The following F8 variants were observed in gnomAD, a reference collection of about 807,000 sequenced individuals.
F8 encodes the protein antihemophilic factor.
Under a neutral mutation model 140.6 loss-of-function variants are expected in F8, and 12 were observed. That is an observed-to-expected ratio of 0.09 (90% CI 0.05 to 0.14). F8 has a LOEUF of 0.14. Ranked by LOEUF, F8 falls within the 10% of genes least tolerant of loss-of-function variation. The pLI is 1.00. For missense variants in F8, 1,354 were observed against 1,720.7 expected, an observed-to-expected ratio of 0.79 and a Z score of 3.77; for synonymous variants, 585 against 614.6, an observed-to-expected ratio of 0.95 and a Z score of 0.71.
intron 4 of F8, among the ~76,000 whole-genome samples, chrX:154,990,110 G>A (rs1377130809): frequency 2.7e-5 from 3 of 111,251 alleles, no homozygotes; most frequent in Non-Finnish European, 5.7e-5. Context: ...CATATAATTG[G>A]TTCAAGCTTT....
intron 14 of F8, 67 bp downstream of exon 14, chrX:154,928,504 G>T: frequency 1.1e-6 from 1 of 933,719 alleles, no homozygotes; most frequent in Non-Finnish European, 1.5e-6. Context: ...TCTCATTGTT[G>T]GTGTCATCAT....
At chrX:154,855,680 C>T (rs143432440) in intron 25 of F8, among the ~76,000 whole-genome samples, 1 of 110,868 alleles carries the variant, frequency 9.0e-6, no homozygotes, top group Non-Finnish European at 1.9e-5. Flanking sequence ...ATTAACCCTG[C>T]ACTGCCTGAG....
intron 14 of F8, among the ~76,000 whole-genome samples, chrX:154,922,678 A>C (rs1293551881): frequency 1.6e-4 from 18 of 112,060 alleles, no homozygotes; most frequent in African/African-American, 5.5e-4. Flanking sequence ...TCAGGGACAT[A>C]ATTTTAAGTA....
intron 1 of F8, among the ~76,000 whole-genome samples, chrX:155,006,357 G>A (rs1557286078): frequency 6.3e-5 from 4 of 63,136 alleles, no homozygotes; most frequent in Non-Finnish European, 1.2e-4. Context: ...CCAGAGGAAC[G>A]CTGTGGTAAC....
chrX:155,008,958 C>G (rs935590534), intron 1 of F8, among the ~76,000 whole-genome samples: 2 of 111,747 alleles, frequency 1.8e-5, no homozygotes, highest in African/African-American at 3.3e-5. Context: ...CCCGGCAGCG[C>G]GCTTCTCCCT....
At chrX:154,905,617 T>A (rs1355178598) in intron 15 of F8, among the ~76,000 whole-genome samples, 1 of 111,525 alleles carries the variant, frequency 9.0e-6, no homozygotes, top group African/African-American at 3.3e-5. Flanking sequence ...AAATAACTTT[T>A]AGTCTACAGG....
At chrX:154,955,634 C>T (rs948015248) in intron 11 of F8, among the ~76,000 whole-genome samples, 6 of 110,342 alleles carry the variant, frequency 5.4e-5, no homozygotes, top group South Asian at 7.8e-4. Context: ...CATCACATGT[C>T]GGCAGGTTCT....
chrX:154,935,451 A>C (rs1228118194), intron 13 of F8, among the ~76,000 whole-genome samples: 2 of 111,977 alleles, frequency 1.8e-5, no homozygotes, highest in Non-Finnish European at 3.8e-5. Context: ...ATTTTCAACA[A>C]ATGGTGCCGG....
chrX:154,869,475 T>A (rs2072755479), intron 22 of F8, among the ~76,000 whole-genome samples: 1 of 111,850 alleles, frequency 8.9e-6, no homozygotes, highest in South Asian at 3.7e-4. Context: ...AAGGCAGATA[T>A]AAAGATGTTC....
At chrX:154,857,813 T>C (rs2072660812) in intron 25 of F8, among the ~76,000 whole-genome samples, 1 of 112,056 alleles carries the variant, frequency 8.9e-6, no homozygotes, top group Non-Finnish European at 1.9e-5. Flanking sequence ...CAACGAAGGG[T>C]GACCTCAGCA....
rs140824385 is a variant in F8 at position 154,877,764 on chromosome X, T to C, written c.6430-14537A>G. On this transcript the variant is annotated intron_variant, in intron 22 of 25. Transcript: ENST00000360256. Reference sequence around the variant, plus strand: ...CGAACTGTAAGATAATAAACTTGTGTTGTTTTAAGCCATATTAAGTTTGTG... The same window carrying C: ...CGAACTGTAAGATAATAAACTTGTGCTGTTTTAAGCCATATTAAGTTTGTG... Among the ~76,000 whole-genome samples the C allele has an allele frequency of 8.3e-3, 931 of 112,204 alleles. 8 individuals are homozygous for C. The highest frequency in any genetic ancestry group is 0.028 in the African/African-American group (879 of 30,853).
chrX:154,997,182 G>A, intron 2 of F8, 87 bp from the exon 3 acceptor site: 1 of 1,067,124 alleles, frequency 9.4e-7, no homozygotes, highest in Non-Finnish European at 1.3e-6. Context: ...CAAGGTCACA[G>A]TGGAGAAGCA....
At chrX:154,960,886 G>A (rs1263537636) in intron 10 of F8, among the ~76,000 whole-genome samples, 189 bp downstream of exon 10, 1 of 112,000 alleles carries the variant, frequency 8.9e-6, no homozygotes, top group Non-Finnish European at 1.9e-5. Flanking sequence ...CATGTCAGGC[G>A]ACTCTTCACG....
intron 13 of F8, among the ~76,000 whole-genome samples, chrX:154,947,052 T>A (rs1557280347): frequency 9.2e-6 from 1 of 108,296 alleles, no homozygotes; most frequent in Non-Finnish European, 1.9e-5. Flanking sequence ...GGTGAAACCC[T>A]GTCTCTACTA....
chrX:154,868,619 T>G (rs1248119135), intron 22 of F8, among the ~76,000 whole-genome samples: 2 of 111,890 alleles, frequency 1.8e-5, no homozygotes, highest in African/African-American at 3.2e-5. Flanking sequence ...ACATTGACAC[T>G]ATGAAGAAAC....
Position 154,972,197 on chromosome X carries a change from C to G in F8, c.788-2645G>C, listed in dbSNP as rs181788428. 7.2e-5 allele frequency among the ~76,000 whole-genome samples: 8 copies of G among 111,834 alleles called. No individual in the cohort carries two copies. The Admixed American group carries it at 7.6e-4, about 11-fold the overall frequency. ...TCCTTGCTAGCACTTGTTATTTTGT[C>G]TTTTTTATAATAGTCATTCTAACAG... On this transcript the variant is annotated intron_variant, in intron 6 of 25. Coordinates refer to ENST00000360256, the MANE Select transcript of F8 (RefSeq NM_000132.4).
At chrX:154,845,929 T>C (rs1233134617) in intron 25 of F8, among the ~76,000 whole-genome samples, 1 of 112,260 alleles carries the variant, frequency 8.9e-6, no homozygotes, top group African/African-American at 3.2e-5. Context: ...TGTGGGCACT[T>C]AGTGCTATAA....
At chrX:154,984,937 T>G in intron 5 of F8, 134 bp from the exon 6 acceptor site, 1 of 547,900 alleles carries the variant, frequency 1.8e-6, no homozygotes, top group Non-Finnish European at 3.3e-6. Context: ...CACACAGCAC[T>G]TATCCTCTCA....
At chrX:154,911,578 T>TAC (rs2073068191) in intron 14 of F8, among the ~76,000 whole-genome samples, 1 of 112,012 alleles carries the variant, frequency 8.9e-6, no homozygotes, top group African/African-American at 3.3e-5. Context: ...TGTGTATATA[T>TAC]ACCACACAGT....
Sources: allele counts gnomAD v4.1 joint callset (sites outside exome capture counted in the v4.1 genomes callset), GRCh38; gene constraint gnomAD v4.1.1; transcripts MANE v1.5; gene names NCBI Gene and HGNC (gene_info 2026-07-23, HGNC 2026-07-21).